NPC1: variants seen among roughly 807,000 people sequenced by gnomAD.
The protein encoded by NPC1 is NPC intracellular cholesterol transporter 1, also known as Niemann-Pick C1 protein.
Under a neutral mutation model 140.4 loss-of-function variants are expected in NPC1, and 85 were observed. The ratio of observed to expected loss-of-function variants is 0.61; its 90% CI spans 0.51 to 0.72. NPC1 has a LOEUF of 0.72. Ranked by LOEUF, NPC1 falls within the 30% of genes least tolerant of loss-of-function variation. NPC1 has a pLI of 0.00. For missense variants in NPC1, 1,504 were observed against 1,623.8 expected, an observed-to-expected ratio of 0.93 and a Z score of 1.27; for synonymous variants, 656 against 624.8, an observed-to-expected ratio of 1.05 and a Z score of -0.74.
At chr18:23,544,577 C>T (rs2058758013) in intron 12 of NPC1, 51 bp from the exon 13 acceptor site, 1 of 1,531,672 alleles carries the variant, frequency 6.5e-7, no homozygotes, top group Non-Finnish European at 9.0e-7. Context: ...GTTGTCTGTC[C>T]CACTTGTTAC....
At chr18:23,533,008 T>C in intron 24 of NPC1, 1 of 925,028 alleles carries the variant, frequency 1.1e-6, no homozygotes, top group Non-Finnish European at 1.3e-6. Flanking sequence ...GCACTGCTGG[T>C]GTGAGAGCTG....
chr18:23,584,712 A>G (rs1205085823), intron 1 of NPC1, among the ~76,000 whole-genome samples: 1 of 152,148 alleles, frequency 6.6e-6, no homozygotes, highest in Non-Finnish European at 1.5e-5. Context: ...TACAAAAATT[A>G]GCTGGGCGTG....
downstream of NPC1, chr18:23,529,915 G>T: frequency 8.8e-7 from 1 of 1,135,034 alleles, no homozygotes; most frequent in East Asian, 2.4e-5. Flanking sequence ...ACCACTTCTT[G>T]TAATGACAGA....
intron 18 of NPC1, 165 bp from the exon 19 acceptor site, chr18:23,539,635 G>A (rs1308960389): frequency 1.2e-6 from 1 of 816,268 alleles, no homozygotes; most frequent in Non-Finnish European, 2.0e-6. Flanking sequence ...AGTATTAGGT[G>A]GTAAATTAGT....
intron 3 of NPC1, among the ~76,000 whole-genome samples, chr18:23,513,137 A>G (rs2057908015): frequency 6.6e-6 from 1 of 152,042 alleles, no homozygotes; most frequent in Non-Finnish European, 1.5e-5. Flanking sequence ...TATTTTTGGT[A>G]GAGATGGGAT....
At position 23,573,443 on chromosome 18, in the gene NPC1, T is replaced by C. The variant is rs201021412; in HGVS notation, c.180+9A>G. 3.1e-6 allele frequency: 5 copies of C among 1,614,138 alleles called. No homozygotes were observed. The highest frequency in any genetic ancestry group is 4.2e-6 in the Non-Finnish European group (5 of 1,179,988). ...TTTGTGTTCCCAGTGCCTAAGATAATGAACTTACCTGCACTAAGTCATATC... is the reference window on the plus strand; with the variant it reads ...TTTGTGTTCCCAGTGCCTAAGATAACGAACTTACCTGCACTAAGTCATATC... On this transcript the variant is annotated intron_variant, in intron 2 of 24. Coordinates refer to ENST00000269228, the MANE Select transcript of NPC1 (RefSeq NM_000271.5).
chr18:23,558,333 A>C (rs551109453), intron 6 of NPC1, among the ~76,000 whole-genome samples: 3 of 152,372 alleles, frequency 2.0e-5, no homozygotes, highest in South Asian at 4.1e-4. Context: ...CAAGGTTAAC[A>C]TCACCAGGAA....
chr18:23,557,800 A>G (rs557444999), intron 6 of NPC1, among the ~76,000 whole-genome samples: 1 of 152,320 alleles, frequency 6.6e-6, no homozygotes, highest in South Asian at 2.1e-4. Context: ...GAGCATACCT[A>G]GTGCCCAGAT....
intron 1 of NPC1, among the ~76,000 whole-genome samples, chr18:23,583,603 A>C (rs2059381975): frequency 6.6e-6 from 1 of 151,834 alleles, no homozygotes; most frequent in Non-Finnish European, 1.5e-5. Flanking sequence ...GAGATGACTG[A>C]TCCAGGCTTC....
intron 20 of NPC1, among the ~76,000 whole-genome samples, chr18:23,538,174 C>T (rs1468032697): frequency 6.6e-6 from 1 of 152,152 alleles, no homozygotes; most frequent in Admixed American, 6.5e-5. Context: ...TAAGATCACG[C>T]CCCAGCTGCC....
At chr18:23,566,477 G>C (rs897696304) in intron 4 of NPC1, among the ~76,000 whole-genome samples, 1 of 152,056 alleles carries the variant, frequency 6.6e-6, no homozygotes. Flanking sequence ...AGGTGTGGTG[G>C]CTCACACCTA....
intron 3 of NPC1, chr18:23,515,999 A>G: frequency 6.2e-7 from 1 of 1,614,038 alleles, no homozygotes; most frequent in South Asian, 1.1e-5. Flanking sequence ...ACTTTAGGGT[A>G]AGAGGAAGCC....
intron 1 of NPC1, among the ~76,000 whole-genome samples, chr18:23,578,968 G>C (rs536426483): frequency 1.3e-5 from 2 of 152,180 alleles, no homozygotes; most frequent in Non-Finnish European, 2.9e-5. Context: ...GCCTCTTCCG[G>C]AACAATGCTC....
intron 4 of NPC1, among the ~76,000 whole-genome samples, chr18:23,566,315 T>C (rs981157130): frequency 6.6e-6 from 1 of 152,136 alleles, no homozygotes; most frequent in Non-Finnish European, 1.5e-5. Context: ...ACCTAGGAGG[T>C]TGAGGCTGCA....
At chr18:23,529,588 T>C (rs1348447681), downstream of NPC1, 12 of 1,521,624 alleles carry the variant, frequency 7.9e-6, no homozygotes, top group Non-Finnish European at 3.6e-6. Context: ...ATGCAGCCTC[T>C]TTTGCACCTC....
downstream of NPC1, among the ~76,000 whole-genome samples, chr18:23,521,098 G>A (rs2058131055): frequency 6.6e-6 from 1 of 151,940 alleles, no homozygotes; most frequent in African/African-American, 2.4e-5. Flanking sequence ...CAGGTGATCC[G>A]CCTGCCTCGC....
At chr18:23,532,832 T>A (rs1363808523) in intron 24 of NPC1, 5 of 970,598 alleles carry the variant, frequency 5.2e-6, no homozygotes, top group Non-Finnish European at 6.1e-6. Context: ...GACAAAGCTA[T>A]AAATGAAGCA....
chr18:23,538,157 C>T (rs1192016588), intron 20 of NPC1, among the ~76,000 whole-genome samples: 1 of 152,148 alleles, frequency 6.6e-6, no homozygotes, highest in Non-Finnish European at 1.5e-5. Context: ...GATAATGTTA[C>T]TAAAGCTAAG....
intron 22 of NPC1, 101 bp from the exon 23 acceptor site, chr18:23,534,660 G>T (rs2058599255): frequency 5.7e-6 from 5 of 883,224 alleles, no homozygotes; most frequent in Non-Finnish European, 9.1e-6. Flanking sequence ...GGGCACCCTG[G>T]GTGCTAGAGG....
Sources: gnomAD v4.1 joint callset for allele counts (sites outside exome capture counted in the v4.1 genomes callset) on GRCh38, gnomAD v4.1.1 for gene constraint, MANE v1.5 for transcripts, NCBI Gene and HGNC (gene_info 2026-07-23, HGNC 2026-07-21) for gene names.